Variants in JMJD1C observed in about 807,000 individuals in gnomAD.
JMJD1C encodes jumonji domain-containing protein 1C.
In JMJD1C, 31 loss-of-function variants were observed where a neutral mutation model predicts 245.3. The observed-to-expected ratio is 0.13, with a 90% CI of 0.09 to 0.17. The LOEUF (loss-of-function observed/expected upper bound fraction) is 0.17, where lower values mean the gene tolerates loss of function less well. Ranked by LOEUF, JMJD1C falls within the 10% of genes least tolerant of loss-of-function variation. The probability of loss-of-function intolerance (pLI) is 1.00; values close to 1 mark genes in which losing one functional copy is unlikely to be tolerated. For missense variants in JMJD1C, 2,691 were observed against 3,000.2 expected, an observed-to-expected ratio of 0.90 and a Z score of 2.41; for synonymous variants, 1,057 against 1,017.4, an observed-to-expected ratio of 1.04 and a Z score of -0.74.
At chr10:63,362,481 A>T (rs574452870) in intron 2 of JMJD1C, among the ~76,000 whole-genome samples, 11 of 146,512 alleles carry the variant, frequency 7.5e-5, no homozygotes, top group Admixed American at 6.8e-4. Flanking sequence ...ATTTATATAT[A>T]TATTTATTTA....
intron 1 of JMJD1C, among the ~76,000 whole-genome samples, chr10:63,409,906 C>G (rs1949385379): frequency 6.6e-6 from 1 of 151,936 alleles, no homozygotes; most frequent in Admixed American, 6.6e-5. Flanking sequence ...GATTAACTTT[C>G]CTTTTGCATA....
intron 1 of JMJD1C, among the ~76,000 whole-genome samples, chr10:63,505,285 C>A (rs1388030026): frequency 6.7e-6 from 1 of 150,034 alleles, no homozygotes; most frequent in Admixed American, 6.6e-5. Context: ...CCACTGCACT[C>A]CAGCCTGGGT....
chr10:63,479,092 TTTTC>T (rs1380267705), intron 1 of JMJD1C, among the ~76,000 whole-genome samples: 4 of 152,222 alleles, frequency 2.6e-5, no homozygotes, highest in Admixed American at 6.5e-5. Flanking sequence ...ACTGACCCAA[TTTTC>T]TTTCTATGTA....
At chr10:63,339,240 C>T (rs958165287) in intron 2 of JMJD1C, among the ~76,000 whole-genome samples, 2 of 152,080 alleles carry the variant, frequency 1.3e-5, no homozygotes, top group Non-Finnish European at 2.9e-5. Context: ...CAAATACAGA[C>T]ATCTTAGGAA....
intron 1 of JMJD1C, among the ~76,000 whole-genome samples, chr10:63,517,540 G>C (rs1955057838): frequency 6.6e-6 from 1 of 152,140 alleles, no homozygotes; most frequent in African/African-American, 2.4e-5. Flanking sequence ...GAGAAGAAAA[G>C]TGTCTTTGCA....
At chr10:63,408,131 C>CAGTG in intron 1 of JMJD1C, among the ~76,000 whole-genome samples, 1 of 152,202 alleles carries the variant, frequency 6.6e-6, no homozygotes, top group Non-Finnish European at 1.5e-5. Context: ...TCACCTGGTG[C>CAGTG]AGTGGCTCAT....
At chr10:63,191,785 G>A (rs929999426) in intron 16 of JMJD1C, among the ~76,000 whole-genome samples, 5 of 151,762 alleles carry the variant, frequency 3.3e-5, no homozygotes, top group South Asian at 4.2e-4. Flanking sequence ...AGGAGTTCAA[G>A]ACCAACCTGG....
At position 63,200,759 on chromosome 10, in the gene JMJD1C, T is replaced by C; in HGVS notation, c.5075-82A>G. The C allele has an allele frequency of 2.4e-6, 3 of 1,224,834 alleles. 1 individual carries two copies. The South Asian group carries it at 3.9e-5, about 16-fold the overall frequency. 75.9% of individuals were successfully genotyped at this position (1,224,834 alleles called of 1,614,324 possible). On this transcript the variant is annotated intron_variant, in intron 10 of 25. Transcript: ENST00000399262. ...CTTGAGATGAAATTCAAGTCAGTTA[T>C]ACAATTGTGATGATACGGTAAGACT... is the stretch of plus-strand genomic sequence containing the variant.
intron 1 of JMJD1C, among the ~76,000 whole-genome samples, chr10:63,400,825 G>A (rs1048910290): frequency 6.6e-6 from 1 of 151,200 alleles, no homozygotes; most frequent in Admixed American, 6.6e-5. Flanking sequence ...ACCCACCTTC[G>A]CCTCCCAAAG....
At chr10:63,501,788 C>T (rs1458096108) in intron 1 of JMJD1C, among the ~76,000 whole-genome samples, 2 of 151,742 alleles carry the variant, frequency 1.3e-5, no homozygotes, top group African/African-American at 4.8e-5. Flanking sequence ...AAAAAAAGAA[C>T]AAAACAAAAC....
intron 2 of JMJD1C, among the ~76,000 whole-genome samples, chr10:63,333,962 A>G (rs1009138692): frequency 6.6e-6 from 1 of 152,068 alleles, no homozygotes; most frequent in Non-Finnish European, 1.5e-5. Flanking sequence ...CAGATCAATT[A>G]AAAAAAATAA....
intron 3 of JMJD1C, among the ~76,000 whole-genome samples, chr10:63,229,279 C>G (rs1445993718): frequency 6.6e-6 from 1 of 152,076 alleles, no homozygotes; most frequent in African/African-American, 2.4e-5. Context: ...ATTCAGACGT[C>G]TAGAATCCAG....
intron 1 of JMJD1C, among the ~76,000 whole-genome samples, chr10:63,396,514 A>G (rs937030918): frequency 6.6e-6 from 1 of 152,214 alleles, no homozygotes; most frequent in Non-Finnish European, 1.5e-5. Context: ...CTTGAGATTA[A>G]AGACATGTGG....
At position 63,356,665 on chromosome 10, in the gene JMJD1C, AG is replaced by A. The variant is rs200006418; in HGVS notation, c.333+23652del. ...GTATATGTATATAAGTTCTCTATTT[AG>A]TTTAAAACAACACTTTTGGTAAATA... On this transcript the variant is annotated intron_variant, in intron 2 of 25. Transcript: ENST00000399262. Among the ~76,000 whole-genome samples, 1,235 of 152,336 alleles carry A rather than the reference AG, an allele frequency of 8.1e-3. 5 individuals are homozygous for A. The highest frequency in any genetic ancestry group is 0.044 in the Middle Eastern group (13 of 294).
At chr10:63,220,496 T>G (rs1006299623) in intron 3 of JMJD1C, among the ~76,000 whole-genome samples, 1 of 152,244 alleles carries the variant, frequency 6.6e-6, no homozygotes, top group African/African-American at 2.4e-5. Context: ...ACCAGTAATT[T>G]TGCTGCTAAA....
chr10:63,264,128 G>A (rs1029187444), intron 3 of JMJD1C, among the ~76,000 whole-genome samples: 1 of 151,508 alleles, frequency 6.6e-6, no homozygotes, highest in African/African-American at 2.4e-5. Context: ...ATAGTCAACT[G>A]GAAAATGTTT....
At chr10:63,357,478 G>A (rs1218893678) in intron 2 of JMJD1C, among the ~76,000 whole-genome samples, 1 of 151,728 alleles carries the variant, frequency 6.6e-6, no homozygotes, top group Non-Finnish European at 1.5e-5. Context: ...GTTAATTTTT[G>A]TATTTTTAGT....
intron 1 of JMJD1C, among the ~76,000 whole-genome samples, chr10:63,485,433 GAGAAAAAAA>G (rs2063337060): frequency 6.6e-6 from 1 of 151,550 alleles, no homozygotes; most frequent in African/African-American, 2.4e-5. Flanking sequence ...CAGCAGCAGG[GAGAAAAAAA>G]AGAAAAGAAA....
chr10:63,200,755 GT>G, intron 10 of JMJD1C, 78 bp from the exon 11 acceptor site: 1 of 1,247,190 alleles, frequency 8.0e-7, no homozygotes, highest in Non-Finnish European at 1.2e-6. Context: ...ATTCAAGTCA[GT>G]TATACAATTG....
Sources: allele counts gnomAD v4.1 joint callset (sites outside exome capture counted in the v4.1 genomes callset), GRCh38; gene constraint gnomAD v4.1.1; transcripts MANE v1.5; gene names NCBI Gene and HGNC (gene_info 2026-07-23, HGNC 2026-07-21).